Variants in ANKRD17 observed in about 807,000 individuals in gnomAD.
The protein encoded by ANKRD17 is ankyrin repeat domain 17.
Under a neutral mutation model 229.7 loss-of-function variants are expected in ANKRD17, and 19 were observed. The observed-to-expected ratio is 0.08, with a 90% CI of 0.06 to 0.12. The LOEUF is 0.12. Ranked by LOEUF, ANKRD17 falls within the 10% of genes least tolerant of loss-of-function variation. The probability of loss-of-function intolerance (pLI) is 1.00; values close to 1 mark genes in which losing one functional copy is unlikely to be tolerated. For synonymous variants in ANKRD17, 1,112 were observed against 1,146.1 expected (o/e 0.97, Z 0.60); for missense variants, 2,176 against 3,176.8 (o/e 0.68, Z 7.57).
chr4:73,233,767 A>C (rs1743273334), intron 1 of ANKRD17, among the ~76,000 whole-genome samples: 1 of 152,224 alleles, frequency 6.6e-6, no homozygotes, highest in African/African-American at 2.4e-5. Context: ...GGCTGGGTAG[A>C]GAAAACATAG....
chr4:73,106,086 C>T (rs1329917627), intron 24 of ANKRD17, among the ~76,000 whole-genome samples: 7 of 152,110 alleles, frequency 4.6e-5, no homozygotes, highest in Non-Finnish European at 1.0e-4. Flanking sequence ...TGGAGAACTG[C>T]TGTCATGTTT....
At chr4:73,100,857 C>G in intron 25 of ANKRD17, 1 of 985,310 alleles carries the variant, frequency 1.0e-6, no homozygotes. Context: ...CACACATACA[C>G]ACATTGCATG....
intron 29 of ANKRD17, 136 bp downstream of exon 29, chr4:73,090,531 A>G (rs1158561124): frequency 2.0e-5 from 22 of 1,075,008 alleles, no homozygotes; most frequent in South Asian, 3.2e-5. Flanking sequence ...AACACAAACA[A>G]CAGCATCTGA....
At chr4:73,164,772 A>G (rs1733010130) in intron 2 of ANKRD17, among the ~76,000 whole-genome samples, 2 of 151,870 alleles carry the variant, frequency 1.3e-5, no homozygotes, top group South Asian at 4.1e-4. Context: ...AGGCTGGGCG[A>G]CAAAATGAGA....
chr4:73,092,346 G>A, intron 28 of ANKRD17, 46 bp from the exon 29 acceptor site: 1 of 1,494,652 alleles, frequency 6.7e-7, no homozygotes, highest in Non-Finnish European at 9.1e-7. Context: ...CCCTACTTTT[G>A]AGTATGTAAA....
chr4:73,239,961 T>C (rs918591105), intron 1 of ANKRD17, among the ~76,000 whole-genome samples: 4 of 152,236 alleles, frequency 2.6e-5, no homozygotes, highest in Non-Finnish European at 5.9e-5. Context: ...TTATACAAGC[T>C]CTTCTTTTTT....
intron 3 of ANKRD17, among the ~76,000 whole-genome samples, chr4:73,157,949 G>A (rs1203164757): frequency 3.3e-5 from 5 of 151,988 alleles, no homozygotes; most frequent in African/African-American, 7.2e-5. Context: ...AAAATTAGCC[G>A]GGCATGGCAG....
chr4:73,146,614 T>C, intron 10 of ANKRD17, 150 bp downstream of exon 10: 1 of 568,212 alleles, frequency 1.8e-6, no homozygotes. Context: ...GAAAAAAATG[T>C]GACTAAGTGA....
At chr4:73,102,055 C>T (rs1724069364) in intron 25 of ANKRD17, among the ~76,000 whole-genome samples, 1 of 152,064 alleles carries the variant, frequency 6.6e-6, no homozygotes. Context: ...ACCTTACCTC[C>T]CCATCCCCCC....
intron 7 of ANKRD17, among the ~76,000 whole-genome samples, chr4:73,150,090 CT>C (rs1268302348): frequency 3.3e-5 from 5 of 151,950 alleles, no homozygotes; most frequent in South Asian, 4.1e-4. Context: ...TGGCTTACTA[CT>C]TTTTTTTCTA....
intron 26 of ANKRD17, 33 bp from the exon 27 acceptor site, chr4:73,097,305 TG>T (rs776078387): frequency 6.6e-7 from 1 of 1,511,532 alleles, no homozygotes; most frequent in South Asian, 1.3e-5. Flanking sequence ...ACATTAAATA[TG>T]GAACAGATGT....
intron 1 of ANKRD17, among the ~76,000 whole-genome samples, chr4:73,226,900 CTATCTT>C (rs1271568607): frequency 6.6e-6 from 1 of 151,980 alleles, no homozygotes; most frequent in Non-Finnish European, 1.5e-5. Context: ...TTCTTTTACT[CTATCTT>C]TAGGTCACTG....
intron 3 of ANKRD17, among the ~76,000 whole-genome samples, chr4:73,157,955 G>A (rs983358525): frequency 2.0e-5 from 3 of 151,954 alleles, no homozygotes; most frequent in African/African-American, 7.3e-5. Context: ...AGCCGGGCAT[G>A]GCAGCGTGGC....
chr4:73,223,828 A>C (rs886207492), intron 1 of ANKRD17, among the ~76,000 whole-genome samples: 1 of 152,220 alleles, frequency 6.6e-6, no homozygotes, highest in South Asian at 2.1e-4. Context: ...ACAGCAAATA[A>C]AGTGAGTGAG....
chr4:73,098,669 G>A, intron 25 of ANKRD17, 149 bp from the exon 26 acceptor site: 3 of 856,234 alleles, frequency 3.5e-6, no homozygotes, highest in Admixed American at 4.7e-5. Flanking sequence ...GTAATGAGCT[G>A]GATAGGACTG....
intron 2 of ANKRD17, among the ~76,000 whole-genome samples, chr4:73,175,044 G>A (rs1376612519): frequency 6.6e-6 from 1 of 152,132 alleles, no homozygotes; most frequent in Non-Finnish European, 1.5e-5. Flanking sequence ...AAATACTAAT[G>A]ACATTATTTA....
chr4:73,141,852 A>G lies in ANKRD17; in HGVS notation c.2230-9T>C. Reference sequence around the variant, plus strand: ...ACTGGTACACGAGGAGCCTAAGACAAAGGACACTAAGTGACTATTAGTGTC... The same window carrying G: ...ACTGGTACACGAGGAGCCTAAGACAGAGGACACTAAGTGACTATTAGTGTC... On this transcript the variant is annotated splice_polypyrimidine_tract_variant and intron_variant, in intron 13 of 33. Coordinates refer to ENST00000358602, the MANE Select transcript of ANKRD17 (RefSeq NM_032217.5). The G allele has an allele frequency of 6.2e-7, 1 of 1,607,442 alleles. No homozygotes were observed. The highest frequency in any genetic ancestry group is 8.5e-7 in the Non-Finnish European group (1 of 1,174,546).
chr4:73,152,369 CCTCT>C (rs987550626), intron 6 of ANKRD17, among the ~76,000 whole-genome samples: 3 of 152,074 alleles, frequency 2.0e-5, no homozygotes, highest in African/African-American at 7.2e-5. Context: ...CATCCCTTTT[CCTCT>C]CTGTCATTCT....
intron 1 of ANKRD17, among the ~76,000 whole-genome samples, chr4:73,191,118 A>G (rs1379506755): frequency 6.6e-6 from 1 of 152,190 alleles, no homozygotes; most frequent in Non-Finnish European, 1.5e-5. Context: ...AATTTGTTGA[A>G]AAAGACAATG....
Sources: allele counts gnomAD v4.1 joint callset (sites outside exome capture counted in the v4.1 genomes callset), GRCh38; gene constraint gnomAD v4.1.1; transcripts MANE v1.5; gene names NCBI Gene and HGNC (gene_info 2026-07-23, HGNC 2026-07-21).